CPLX1: variants seen among roughly 807,000 people sequenced by gnomAD.
The protein encoded by CPLX1 is complexin 1.
In CPLX1, 6 loss-of-function variants were observed where a neutral mutation model predicts 15.6. That is an observed-to-expected ratio of 0.39 (90% CI 0.21 to 0.76). CPLX1 has a LOEUF of 0.76. Ranked by LOEUF, CPLX1 falls within the 30% of genes least tolerant of loss-of-function variation. The pLI is 0.43. For synonymous variants in CPLX1, 91 were observed against 75.2 expected, an observed-to-expected ratio of 1.21 and a Z score of -1.08; for missense variants, 242 against 188.6, an observed-to-expected ratio of 1.28 and a Z score of -1.66.
intron 2 of CPLX1, among the ~76,000 whole-genome samples, chr4:802,423 C>T (rs1257495032): frequency 6.6e-6 from 1 of 152,156 alleles, no homozygotes. Context: ...TTGGAGTGTA[C>T]CCTTAAGAGG....
intron 2 of CPLX1, among the ~76,000 whole-genome samples, chr4:803,292 G>T (rs1045747062): frequency 6.6e-6 from 1 of 152,238 alleles, no homozygotes; most frequent in South Asian, 2.1e-4. Flanking sequence ...GAAAAGATAA[G>T]ACACAGTCAT....
intron 2 of CPLX1, among the ~76,000 whole-genome samples, chr4:815,004 C>T (rs1320367529): frequency 6.6e-6 from 1 of 152,206 alleles, no homozygotes. Context: ...AGAGACAACA[C>T]AGAGAACAGA....
chr4:806,284 CAAA>C (rs1309261566), intron 2 of CPLX1, among the ~76,000 whole-genome samples: 1 of 152,028 alleles, frequency 6.6e-6, no homozygotes, highest in Non-Finnish European at 1.5e-5. Context: ...ACAAACCTGA[CAAA>C]AACAATGAGG....
intron 3 of CPLX1, among the ~76,000 whole-genome samples, chr4:790,977 C>T (rs1037512741): frequency 2.0e-4 from 18 of 91,876 alleles, no homozygotes; most frequent in African/African-American, 8.1e-4. Context: ...TCTGTCTCTC[C>T]CTCTGTCTTC....
chr4:819,425 C>T (rs927771664), intron 2 of CPLX1, among the ~76,000 whole-genome samples: 3 of 152,252 alleles, frequency 2.0e-5, no homozygotes, highest in East Asian at 1.9e-4. Context: ...GCATCTCTGC[C>T]GAACCCAGCA....
rs1745955554 is a variant in CPLX1, at chr4:785,537, A to G, written c.*964T>C. 1 of 152,554 alleles carries G rather than the reference A, an allele frequency of 6.6e-6. No individual in the cohort carries two copies. The highest frequency in any genetic ancestry group is 2.4e-5 in the African/African-American group (1 of 41,464). The allele number at this position is 152,554 out of a possible 1,614,324, so 9.5% of individuals were successfully genotyped here. Reference sequence around the variant, plus strand: ...AAATTGTGATGCAAATTAAACATGAATGGAGGAGAAACAGGGGCTCGGATG... The same window carrying G: ...AAATTGTGATGCAAATTAAACATGAGTGGAGGAGAAACAGGGGCTCGGATG... On this transcript the variant is annotated 3_prime_UTR_variant, in exon 4 of 4. Transcript: ENST00000304062.
chr4:786,480 GGGCCGCTGTCCCGCGCGC>G lies in CPLX1; in HGVS notation c.*3_*20del. ...TAGGGGGAGGGGCGGGGGCTCCGCG[GGGCCGCTGTCCCGCGCGC>G]GGCTACTTCTTGAGCATGTCCTGCA... is the stretch of plus-strand genomic sequence containing the variant. On this transcript the variant is annotated 3_prime_UTR_variant, in exon 4 of 4. Coordinates refer to ENST00000304062, the MANE Select transcript of CPLX1 (RefSeq NM_006651.4). 3 of 1,535,422 alleles carry G rather than the reference GGGCCGCTGTCCCGCGCGC, an allele frequency of 2.0e-6. No individual in the cohort carries two copies. The highest frequency in any genetic ancestry group is 2.4e-5 in the South Asian group (2 of 82,904).
chr4:791,318 G>A (rs960539264), intron 3 of CPLX1, among the ~76,000 whole-genome samples: 1 of 151,266 alleles, frequency 6.6e-6, no homozygotes, highest in Non-Finnish European at 1.5e-5. Context: ...CCCCATCAGC[G>A]GCTTCTCTGC....
chr4:795,300 G>A (rs1746298813), intron 2 of CPLX1, among the ~76,000 whole-genome samples: 1 of 152,254 alleles, frequency 6.6e-6, no homozygotes, highest in Non-Finnish European at 1.5e-5. Context: ...GGCGAGACCG[G>A]CGCAGAACGG....
chr4:792,197 G>A (rs538046594), intron 3 of CPLX1, among the ~76,000 whole-genome samples: 2 of 152,346 alleles, frequency 1.3e-5, no homozygotes, highest in African/African-American at 2.4e-5. Flanking sequence ...TGCGGGCCTA[G>A]GAAGCCCGCC....
At chr4:801,085 C>T (rs950685005) in intron 2 of CPLX1, among the ~76,000 whole-genome samples, 2 of 150,976 alleles carry the variant, frequency 1.3e-5, no homozygotes, top group African/African-American at 4.9e-5. Context: ...GAAGTCGAGG[C>T]GGGCAGATCA....
intron 2 of CPLX1, among the ~76,000 whole-genome samples, chr4:822,117 CTG>C (rs1459304669): frequency 1.3e-5 from 2 of 148,834 alleles, no homozygotes; most frequent in Admixed American, 6.7e-5. Context: ...CCCTCTGTCT[CTG>C]TCTCTCCCTC....
intron 3 of CPLX1, among the ~76,000 whole-genome samples, chr4:790,537 T>G (rs1279689356): frequency 6.6e-6 from 1 of 152,166 alleles, no homozygotes; most frequent in Non-Finnish European, 1.5e-5. Flanking sequence ...TCCCTGACGC[T>G]GCTGGCCCTG....
At chr4:813,465 G>A (rs1262967011) in intron 2 of CPLX1, among the ~76,000 whole-genome samples, 1 of 152,082 alleles carries the variant, frequency 6.6e-6, no homozygotes, top group African/African-American at 2.4e-5. Flanking sequence ...TGGAGGCCCT[G>A]CTGTCAGGCG....
chr4:825,034 C>T (rs1458244652), intron 1 of CPLX1, among the ~76,000 whole-genome samples: 3 of 152,200 alleles, frequency 2.0e-5, no homozygotes, highest in South Asian at 4.1e-4. Context: ...CCCTTCAGGG[C>T]GGGCTCCTGT....
chr4:823,909 C>T (rs1187727761), intron 2 of CPLX1, among the ~76,000 whole-genome samples: 2 of 152,236 alleles, frequency 1.3e-5, no homozygotes, highest in African/African-American at 4.8e-5. Context: ...GGGAGGCAGT[C>T]GAGACACACA....
chr4:821,821 G>A (rs1350076277), intron 2 of CPLX1, among the ~76,000 whole-genome samples: 3 of 152,146 alleles, frequency 2.0e-5, no homozygotes, highest in Non-Finnish European at 2.9e-5. Context: ...GAGACCCAGC[G>A]TTGGGTCAGA....
chr4:786,348 G>A lies in CPLX1; in HGVS notation c.*153C>T. 2.6e-6 allele frequency: 2 copies of A among 768,292 alleles called. No individual in the cohort carries two copies. Among genetic ancestry groups the A allele is most frequent in the Non-Finnish European group, 3.8e-6 (2 of 530,836 alleles). The allele number at this position is 768,292 out of a possible 1,614,324, so 47.6% of individuals were successfully genotyped here. A position where few individuals can be genotyped will look rare whatever the true frequency, so the allele number is the denominator to read the frequency against. Reference sequence around the variant, plus strand: ...GTCCTGGGGGCGCGCGCCCCTTGCCGGGTGAGGGAGGCGGCGGGCGCGGGC... The same window carrying A: ...GTCCTGGGGGCGCGCGCCCCTTGCCAGGTGAGGGAGGCGGCGGGCGCGGGC... On this transcript the variant is annotated 3_prime_UTR_variant, in exon 4 of 4. Transcript: ENST00000304062.
At position 784,980 on chromosome 4, in the gene CPLX1, T is replaced by G. The variant is rs1745934793; in HGVS notation, c.*1521A>C. The G allele has an allele frequency of 6.6e-6, 1 of 152,242 alleles. No individual in the cohort carries two copies. The highest frequency in any genetic ancestry group is 2.4e-5 in the African/African-American group (1 of 41,444). The allele number at this position is 152,242 out of a possible 1,614,324, so 9.4% of individuals were successfully genotyped here. A position where few individuals can be genotyped will look rare whatever the true frequency, so the allele number is the denominator to read the frequency against. ...TGTGAAATCACTGGTGTTTATTGGCTGTGATTCCATCCGGAGAGAACACAC... is the reference window on the plus strand; with the variant it reads ...TGTGAAATCACTGGTGTTTATTGGCGGTGATTCCATCCGGAGAGAACACAC... On this transcript the variant is annotated 3_prime_UTR_variant, in exon 4 of 4. Coordinates refer to ENST00000304062, the MANE Select transcript of CPLX1 (RefSeq NM_006651.4).
Sources: gnomAD v4.1 joint callset for allele counts (sites outside exome capture counted in the v4.1 genomes callset) on GRCh38, gnomAD v4.1.1 for gene constraint, MANE v1.5 for transcripts, NCBI Gene and HGNC (gene_info 2026-07-23, HGNC 2026-07-21) for gene names.